EPS15L1: variants seen among roughly 807,000 people sequenced by gnomAD.
EPS15L1 encodes the protein epidermal growth factor receptor pathway substrate 15 like 1, also known as epidermal growth factor receptor substrate 15-like 1.
A neutral mutation model predicts 117.1 loss-of-function variants in EPS15L1; 43 were observed. That is an observed-to-expected ratio of 0.37 (90% CI 0.29 to 0.47). The LOEUF is 0.47. Ranked by LOEUF, EPS15L1 falls within the 20% of genes least tolerant of loss-of-function variation. EPS15L1 has a pLI of 0.99. For synonymous variants in EPS15L1, 459 were observed against 470.5 expected (o/e 0.98, Z 0.32); for missense variants, 981 against 1,164.0 (o/e 0.84, Z 2.29).
rs778161324 is a variant in EPS15L1, at chr19:16,385,150, G to C, written c.2226C>G (p.Ala742=). ...TTACCTTGGACATCTGGCTGAAGTC[G>C]GCAAAGCCTTCAGCACTATTGAAGG... The part of the protein sequence containing the change: ...SGSFNSAEGF[A]DFSQMSKPPP... The change falls in exon 21 of 24, where the codon GCC becomes GCG. Residue 742 remains alanine (A), a synonymous_variant. Transcript: ENST00000455140. 1 of 1,614,086 alleles carries C rather than the reference G, an allele frequency of 6.2e-7. No individual in the cohort carries two copies. Among genetic ancestry groups the C allele is most frequent in the Non-Finnish European group, 8.5e-7 (1 of 1,179,978 alleles).
chr19:16,446,823 A>G (rs919130273), intron 1 of EPS15L1, among the ~76,000 whole-genome samples: 7 of 152,202 alleles, frequency 4.6e-5, no homozygotes, highest in African/African-American at 1.7e-4. Flanking sequence ...ACTCAATTTG[A>G]GCATATAAAT....
At chr19:16,468,314 A>G (rs2093320704) in intron 1 of EPS15L1, among the ~76,000 whole-genome samples, 1 of 152,178 alleles carries the variant, frequency 6.6e-6, no homozygotes, top group Non-Finnish European at 1.5e-5. Flanking sequence ...CAGCAAGGTT[A>G]GGTGGAGTCG....
intron 16 of EPS15L1, among the ~76,000 whole-genome samples, chr19:16,396,427 A>G (rs1171638143): frequency 2.0e-5 from 3 of 152,030 alleles, no homozygotes; most frequent in Non-Finnish European, 4.4e-5. Flanking sequence ...AAGCCTGGCT[A>G]ATTTTTATAT....
chr19:16,376,720 G>A (rs2092300436), intron 22 of EPS15L1, among the ~76,000 whole-genome samples: 1 of 152,282 alleles, frequency 6.6e-6, no homozygotes, highest in Non-Finnish European at 1.5e-5. Context: ...CAGGGAGAAG[G>A]ACGGAAGAGA....
chr19:16,394,113 G>C, intron 17 of EPS15L1, 112 bp from the exon 18 acceptor site: 3 of 902,384 alleles, frequency 3.3e-6, no homozygotes, highest in African/African-American at 1.6e-5. Flanking sequence ...TACTCCTCCA[G>C]TGTAGGGAGA....
At chr19:16,436,752 T>C (rs2092982285) in intron 6 of EPS15L1, 185 bp downstream of exon 6, 1 of 524,410 alleles carries the variant, frequency 1.9e-6, no homozygotes, top group Admixed American at 3.6e-5. Flanking sequence ...AAGGTGTTCA[T>C]TAGAAGAGGC....
chr19:16,401,962 T>C (rs1257147089), intron 16 of EPS15L1: 33 of 1,043,446 alleles, frequency 3.2e-5, no homozygotes, highest in Non-Finnish European at 3.8e-5. Context: ...TAGTAGAATG[T>C]GGGGTTTCCA....
Position 16,361,934 on chromosome 19 carries a change from G to A in EPS15L1, c.2431C>T (p.Pro811Ser). 6.2e-7 allele frequency: 1 copy of A among 1,613,992 alleles called. No homozygotes were observed. Among genetic ancestry groups the A allele is most frequent in the Non-Finnish European group, 8.5e-7 (1 of 1,179,976 alleles). ...GCCCCGAGTGGCTGGAATGGATCGGGGGCCTCGGGAAAGTCTGCGGAACCA... is the reference window on the plus strand; with the variant it reads ...GCCCCGAGTGGCTGGAATGGATCGGAGGCCTCGGGAAAGTCTGCGGAACCA... ...QLGSADFPEAPDPFQPLGADS... is the reference protein window; with the variant it reads ...QLGSADFPEASDPFQPLGADS... The change falls in exon 23 of 24, where the codon CCC becomes TCC. Residue 811 changes from proline (P) to serine (S), a missense_variant. Physicochemically the swap from Pro to Ser is moderately conservative, Grantham distance 74 (BLOSUM62 -1). This residue lies in a region of EPS15L1 where 819 missense variants were observed against 949.0 expected (regional missense o/e 0.86). Transcript: ENST00000455140.
At position 16,365,709 on chromosome 19, in the gene EPS15L1, C is replaced by T. The variant is rs532861327; in HGVS notation, c.2381-3725G>A. On this transcript the variant is annotated intron_variant, in intron 22 of 23. Transcript: ENST00000455140. This position sits in a 1 kb window ranked among gnomAD's most constrained non-coding sequence, Gnocchi z 4.9. ...TGCTTCTGCCCAGCTTCTCCCTCCA[C>T]GGGAAAGCCCCCCCTCCCCCAGGGT... Among the ~76,000 whole-genome samples the T allele has an allele frequency of 4.5e-4, 68 of 152,332 alleles. 1 individual carries two copies. The highest frequency in any genetic ancestry group is 1.4e-3 in the African/African-American group (60 of 41,568).
chr19:16,439,866 T>C (rs981379136), intron 4 of EPS15L1, among the ~76,000 whole-genome samples: 8 of 151,412 alleles, frequency 5.3e-5, no homozygotes, highest in African/African-American at 1.9e-4. Context: ...CACTTATAAG[T>C]ACAGGCTGAG....
intron 1 of EPS15L1, among the ~76,000 whole-genome samples, chr19:16,462,951 G>C (rs2093267716): frequency 6.6e-6 from 1 of 152,128 alleles, no homozygotes; most frequent in African/African-American, 2.4e-5. Flanking sequence ...CACCGCTGTG[G>C]GTGCCACCTG....
At chr19:16,401,405 G>A (rs2092600011) in intron 16 of EPS15L1, 1 of 985,300 alleles carries the variant, frequency 1.0e-6, no homozygotes. Flanking sequence ...GGGAGGAAGA[G>A]GAATCCATGA....
At chr19:16,402,535 C>A in intron 15 of EPS15L1, 50 bp from the exon 16 acceptor site, 1 of 1,508,174 alleles carries the variant, frequency 6.6e-7, no homozygotes, top group South Asian at 1.3e-5. Flanking sequence ...GAAAACATGT[C>A]AGAAAAGACG....
rs2092120629 is a variant in EPS15L1 at position 16,365,442 on chromosome 19, CAAG to C, written c.2381-3461_2381-3459del. Among the ~76,000 whole-genome samples the C allele has an allele frequency of 6.6e-6, 1 of 152,188 alleles. No homozygotes were observed. Among genetic ancestry groups the C allele is most frequent in the Non-Finnish European group, 1.5e-5 (1 of 68,040 alleles). ...ACAGCAATGTGAAGATGCACCAGGC[CAAG>C]GAGAGGTCTCAGAAGAAACCAACCC... is the stretch of plus-strand genomic sequence containing the variant. On this transcript the variant is annotated intron_variant, in intron 22 of 23. Coordinates refer to ENST00000455140, the MANE Select transcript of EPS15L1 (RefSeq NM_001258374.3). The surrounding 1 kb of genome is among the most constrained non-coding windows in gnomAD (Gnocchi z 4.9).
intron 2 of EPS15L1, 67 bp downstream of exon 2, chr19:16,442,111 A>G: frequency 6.5e-7 from 1 of 1,532,328 alleles, no homozygotes. Context: ...CCGGGCTTCT[A>G]TTCTGTACTG....
intron 16 of EPS15L1, chr19:16,400,756 T>C (rs1445697383): frequency 1.0e-6 from 1 of 985,344 alleles, no homozygotes; most frequent in Non-Finnish European, 1.2e-6. Context: ...AGGTAACCTT[T>C]GCCCTGCCCA....
At chr19:16,368,253 G>GAC (rs141632584) in intron 22 of EPS15L1, among the ~76,000 whole-genome samples, 4 of 151,664 alleles carry the variant, frequency 2.6e-5, no homozygotes, top group Non-Finnish European at 4.4e-5. Context: ...TACACAATGG[G>GAC]ACACACACAC....
At chr19:16,414,406 CT>C (rs891390673) in intron 12 of EPS15L1, among the ~76,000 whole-genome samples, 108 of 147,138 alleles carry the variant, frequency 7.3e-4, no homozygotes, top group Middle Eastern at 3.5e-3. Context: ...TGAACTACTA[CT>C]TTTTTTTTTT....
intron 10 of EPS15L1, among the ~76,000 whole-genome samples, chr19:16,419,650 A>G (rs1229778349): frequency 2.0e-5 from 3 of 152,148 alleles, no homozygotes; most frequent in Non-Finnish European, 2.9e-5. Flanking sequence ...CTTTTACCAA[A>G]AGAGAGCTGG....
Sources: allele counts gnomAD v4.1 joint callset (sites outside exome capture counted in the v4.1 genomes callset), GRCh38; gene constraint gnomAD v4.1.1; regional missense constraint gnomAD v4.1.1; non-coding constraint Gnocchi (gnomAD v3.1); transcripts MANE v1.5; gene names NCBI Gene and HGNC (gene_info 2026-07-23, HGNC 2026-07-21).